TMPRSS6: variants seen among roughly 807,000 people sequenced by gnomAD.
TMPRSS6 encodes the protein transmembrane protease serine 6.
In TMPRSS6, 67 loss-of-function variants were observed where a neutral mutation model predicts 101.5. That is an observed-to-expected ratio of 0.66 (90% CI 0.54 to 0.81). The LOEUF is 0.81. Among genes scored for constraint, TMPRSS6 ranks in the 30% least tolerant of loss-of-function variants. TMPRSS6 has a pLI of 0.00. For synonymous variants in TMPRSS6, 453 were observed against 464.9 expected, an observed-to-expected ratio of 0.97 and a Z score of 0.33; for missense variants, 1,034 against 1,088.7, an observed-to-expected ratio of 0.95 and a Z score of 0.71.
At chr22:37,089,047 G>A (rs2146122211) in intron 7 of TMPRSS6, among the ~76,000 whole-genome samples, 1 of 152,300 alleles carries the variant, frequency 6.6e-6, no homozygotes, top group East Asian at 1.9e-4. Context: ...AACTTGCAAA[G>A]CAGTACCACC....
chr22:37,097,760 T>C (rs228899), intron 3 of TMPRSS6, among the ~76,000 whole-genome samples: 18,987 of 57,156 alleles, frequency 0.33, 5,438 homozygotes, highest in African/African-American at 0.39. Flanking sequence ...GAGCGGCCAC[T>C]GTCCTGTAAC....
At chr22:37,076,668 A>G (rs1320548945) in intron 10 of TMPRSS6, among the ~76,000 whole-genome samples, 8 of 152,070 alleles carry the variant, frequency 5.3e-5, no homozygotes, top group Non-Finnish European at 1.2e-4. Context: ...GGACAGTGGG[A>G]CCCTCCCTCC....
Position 37,075,124 on chromosome 22 carries a change from C to T in TMPRSS6, c.1342+11G>A, listed in dbSNP as rs760846822. ...TCACTGCAGGGGGTTCCCCCGGCTGCCCATACTCACGGTCCGACTGGTTGT... is the reference window on the plus strand; with the variant it reads ...TCACTGCAGGGGGTTCCCCCGGCTGTCCATACTCACGGTCCGACTGGTTGT... On this transcript the variant is annotated intron_variant, in intron 11 of 17. Coordinates refer to ENST00000676104, the MANE Select transcript of TMPRSS6 (RefSeq NM_001374504.1). The T allele has an allele frequency of 9.9e-6, 16 of 1,613,730 alleles. No homozygotes were observed. The highest frequency in any genetic ancestry group is 1.3e-5 in the Non-Finnish European group (15 of 1,180,036).
intron 13 of TMPRSS6, among the ~76,000 whole-genome samples, chr22:37,072,222 GGATGGATGGAT>G (rs1322046109): frequency 8.1e-5 from 6 of 74,108 alleles, no homozygotes; most frequent in African/African-American, 1.6e-4. Context: ...GATGATGGAT[GGATGGATGGAT>G]GATGGATGGA....
chr22:37,065,830 T>C lies in TMPRSS6; in HGVS notation c.*250A>G. 3.5e-6 allele frequency: 2 copies of C among 564,268 alleles called. No homozygotes were observed. The highest frequency in any genetic ancestry group is 6.4e-6 in the Non-Finnish European group (2 of 313,694). The allele number at this position is 564,268 out of a possible 1,614,324, so 35.0% of individuals were successfully genotyped here. A position where few individuals can be genotyped will look rare whatever the true frequency, so the allele number is the denominator to read the frequency against. ...GAGGAAGGGGACGGAGGAGAGAGAATTGGGAGGCAGAAGGGCTGGGTGTGG... is the reference window on the plus strand; with the variant it reads ...GAGGAAGGGGACGGAGGAGAGAGAACTGGGAGGCAGAAGGGCTGGGTGTGG... On this transcript the variant is annotated 3_prime_UTR_variant, in exon 18 of 18. Coordinates refer to ENST00000676104, the MANE Select transcript of TMPRSS6 (RefSeq NM_001374504.1).
chr22:37,104,326 C>T (rs1417445083), intron 1 of TMPRSS6, among the ~76,000 whole-genome samples: 4 of 152,276 alleles, frequency 2.6e-5, no homozygotes, highest in African/African-American at 9.6e-5. Flanking sequence ...CCCAGAGAGG[C>T]TAAGCCGCTT....
In TMPRSS6 at chr22:37,069,119, G is replaced by C; in HGVS notation, c.2067C>G (p.Pro689=). ...AGCCCGTAATCCAGCAGTGCAGGCC[G>C]GGCTCGAAGAAGTGGGAGCGCGCGG... ...CLPARSHFFE[P]GLHCWITGWG... Residue 689 remains proline (P), a synonymous_variant, in exon 16 of 18, where the codon CCC becomes CCG. Transcript: ENST00000676104. The surrounding 1 kb of genome is among the most constrained non-coding windows in gnomAD (Gnocchi z 4.8). 7 of 1,562,112 alleles carry C rather than the reference G, an allele frequency of 4.5e-6. No individual in the cohort carries two copies. The highest frequency in any genetic ancestry group is 6.1e-6 in the Non-Finnish European group (7 of 1,156,424).
chr22:37,086,891 CCCCAGAAATCT>C (rs1450944372), intron 7 of TMPRSS6, among the ~76,000 whole-genome samples: 8 of 152,132 alleles, frequency 5.3e-5, no homozygotes, highest in African/African-American at 1.9e-4. Context: ...CCCCAGGGTG[CCCCAGAAATCT>C]GCCCAGAGCT....
intron 10 of TMPRSS6, among the ~76,000 whole-genome samples, chr22:37,082,169 G>A (rs772534398): frequency 3.9e-5 from 6 of 152,154 alleles, no homozygotes; most frequent in African/African-American, 7.2e-5. Context: ...ACCCATCTGC[G>A]TGCCACCTAA....
At position 37,069,368 on chromosome 22, in the gene TMPRSS6, GGGTGGGGTGAGGTGA is replaced by G. The variant is rs751233790; in HGVS notation, c.1842-39_1842-25del. The G allele has an allele frequency of 4.8e-6, 7 of 1,468,248 alleles. No individual in the cohort carries two copies. Among genetic ancestry groups the G allele is most frequent in the Middle Eastern group, 2.3e-4 (1 of 4,286 alleles). 91.0% of individuals were successfully genotyped at this position (1,468,248 alleles called of 1,614,324 possible). ...TGCTGGGGTGGGGTGGGGTGGGGTG[GGGTGGGGTGAGGTGA>G]GGTGGGAGGAAGCTGCCTCTCCCCA... On this transcript the variant is annotated intron_variant, in intron 15 of 17. Coordinates refer to ENST00000676104, the MANE Select transcript of TMPRSS6 (RefSeq NM_001374504.1). This position sits in a 1 kb window ranked among gnomAD's most constrained non-coding sequence, Gnocchi z 4.8.
chr22:37,089,918 G>T, intron 6 of TMPRSS6, 136 bp from the exon 7 acceptor site: 3 of 736,564 alleles, frequency 4.1e-6, no homozygotes, highest in Non-Finnish European at 2.2e-6. Flanking sequence ...AGCCAGACAT[G>T]CTCTACCCCA....
Position 37,066,052 on chromosome 22 carries a change from G to A in TMPRSS6, c.*28C>T, listed in dbSNP as rs1277274384. On this transcript the variant is annotated 3_prime_UTR_variant, in exon 18 of 18. Transcript: ENST00000676104. Reference sequence around the variant, plus strand: ...CCTGGGCTCTCTGAGTCCAGGAGGTGGGCCCTGCTTTGCAGGGGGGCAGTT... The same window carrying A: ...CCTGGGCTCTCTGAGTCCAGGAGGTAGGCCCTGCTTTGCAGGGGGGCAGTT... The A allele has an allele frequency of 6.2e-7, 1 of 1,613,110 alleles. No homozygotes were observed.
chr22:37,108,590 C>T (rs1026951495), intron 1 of TMPRSS6, among the ~76,000 whole-genome samples: 4 of 152,182 alleles, frequency 2.6e-5, no homozygotes, highest in Admixed American at 2.6e-4. Flanking sequence ...GGGGCGGGGC[C>T]GCGACTCCCC....
chr22:37,103,677 G>T lies in TMPRSS6; in HGVS notation c.-1-259C>A. On this transcript the variant is annotated intron_variant, in intron 1 of 17. Coordinates refer to ENST00000676104, the MANE Select transcript of TMPRSS6 (RefSeq NM_001374504.1). This position sits in a 1 kb window ranked among gnomAD's most constrained non-coding sequence, Gnocchi z 4.4. ...AGAACCCCACCTTTGCTTCCCACTG[G>T]CTTCCCTATGGTCAGAGGACAGACG... is the stretch of plus-strand genomic sequence containing the variant. 1.6e-6 allele frequency: 2 copies of T among 1,273,146 alleles called. No individual in the cohort carries two copies. The highest frequency in any genetic ancestry group is 2.3e-6 in the Non-Finnish European group (2 of 887,392). The allele number at this position is 1,273,146 out of a possible 1,614,324, so 78.9% of individuals were successfully genotyped here.
At chr22:37,074,519 A>T in intron 12 of TMPRSS6, 91 bp downstream of exon 12, 1 of 1,205,080 alleles carries the variant, frequency 8.3e-7, no homozygotes, top group Non-Finnish European at 1.2e-6. Flanking sequence ...CTGCATGTAG[A>T]AGTGGGGTCT....
intron 10 of TMPRSS6, among the ~76,000 whole-genome samples, chr22:37,076,655 C>A (rs986456614): frequency 1.3e-5 from 2 of 152,200 alleles, no homozygotes; most frequent in Non-Finnish European, 1.5e-5. Context: ...AGCCACTCCC[C>A]CAGGACAGTG....
intron 6 of TMPRSS6, among the ~76,000 whole-genome samples, chr22:37,093,124 G>A (rs1157611760): frequency 1.3e-5 from 2 of 152,170 alleles, no homozygotes; most frequent in East Asian, 3.9e-4. Flanking sequence ...TCGACTTCAA[G>A]GATTTGAGTT....
chr22:37,086,495 T>C (rs1017556571), intron 7 of TMPRSS6, 76 bp from the exon 8 acceptor site: 2 of 1,212,060 alleles, frequency 1.7e-6, no homozygotes, highest in Admixed American at 2.0e-5. Context: ...AGGCGGCTGC[T>C]GGGGGAGGGT....
intron 12 of TMPRSS6, 78 bp downstream of exon 12, chr22:37,074,532 A>T: frequency 7.3e-7 from 1 of 1,366,782 alleles, no homozygotes; most frequent in Non-Finnish European, 1.0e-6. Context: ...TGGGGTCTCC[A>T]CTCAGCTCAG....
Sources: gnomAD v4.1 joint callset for allele counts (sites outside exome capture counted in the v4.1 genomes callset) on GRCh38, gnomAD v4.1.1 for gene constraint, Gnocchi (gnomAD v3.1) non-coding constraint, MANE v1.5 for transcripts, NCBI Gene and HGNC (gene_info 2026-07-23, HGNC 2026-07-21) for gene names.